DNAJC25: variants seen among roughly 807,000 people sequenced by gnomAD.
DNAJC25 encodes dnaJ homolog subfamily C member 25.
Under a neutral mutation model 42.1 loss-of-function variants are expected in DNAJC25, and 26 were observed. The ratio of observed to expected loss-of-function variants is 0.62; its 90% CI spans 0.45 to 0.86. DNAJC25 has a LOEUF of 0.86. Among genes scored for constraint, DNAJC25 ranks in the 40% least tolerant of loss-of-function variants. The probability of loss-of-function intolerance (pLI) is 0.00; values close to 1 mark genes in which losing one functional copy is unlikely to be tolerated. For missense variants in DNAJC25, 404 were observed against 459.4 expected, an observed-to-expected ratio of 0.88 and a Z score of 1.10; for synonymous variants, 189 against 179.9, an observed-to-expected ratio of 1.05 and a Z score of -0.40.
intron 1 of DNAJC25, among the ~76,000 whole-genome samples, chr9:111,632,025 T>A (rs1471083940): frequency 6.6e-6 from 1 of 152,266 alleles, no homozygotes; most frequent in African/African-American, 2.4e-5. Context: ...AATATTTTAA[T>A]AACGTGCATT....
chr9:111,639,437 A>G (rs1469394203), intron 1 of DNAJC25, among the ~76,000 whole-genome samples: 3 of 152,238 alleles, frequency 2.0e-5, no homozygotes, highest in Non-Finnish European at 4.4e-5. Flanking sequence ...AGGAGGCAAG[A>G]AAAACAGTTA....
intron 3 of DNAJC25, among the ~76,000 whole-genome samples, chr9:111,652,855 A>G (rs902439412): frequency 9.2e-5 from 14 of 152,126 alleles, no homozygotes; most frequent in African/African-American, 3.4e-4. Context: ...CCACAAAATT[A>G]CTAGTTCTTA....
intron 1 of DNAJC25, among the ~76,000 whole-genome samples, chr9:111,632,176 G>A (rs918104070): frequency 1.3e-5 from 2 of 152,196 alleles, no homozygotes; most frequent in African/African-American, 4.8e-5. Context: ...AGTGTTAATG[G>A]TGACGCTTAG....
intron 1 of DNAJC25, among the ~76,000 whole-genome samples, chr9:111,645,661 C>A (rs1429614110): frequency 6.6e-6 from 1 of 152,292 alleles, no homozygotes; most frequent in East Asian, 1.9e-4. Context: ...TTGGAGGACT[C>A]AGAAGGTGAT....
chr9:111,642,622 TAAATAAATAAA>T (rs1273551061), intron 1 of DNAJC25, among the ~76,000 whole-genome samples: 2 of 148,320 alleles, frequency 1.3e-5, no homozygotes, highest in Non-Finnish European at 3.0e-5. Flanking sequence ...AATAAATAAA[TAAATAAATAAA>T]TAAATAAATA....
intron 1 of DNAJC25, among the ~76,000 whole-genome samples, chr9:111,634,726 GTTTTT>G (rs75920536): frequency 6.8e-6 from 1 of 146,490 alleles, no homozygotes; most frequent in South Asian, 2.2e-4. Context: ...AGGGGGTTTT[GTTTTT>G]TTTTTTAGGT....
intron 3 of DNAJC25, among the ~76,000 whole-genome samples, chr9:111,651,959 T>C (rs1301641406): frequency 6.6e-6 from 1 of 152,020 alleles, no homozygotes; most frequent in East Asian, 1.9e-4. Context: ...AAATGAAAAA[T>C]TCATAATTAG....
intron 1 of DNAJC25, among the ~76,000 whole-genome samples, chr9:111,640,891 TCAGCCCCCCCGCC>T (rs1830446159): frequency 2.1e-5 from 1 of 48,420 alleles, no homozygotes; most frequent in Non-Finnish European, 3.3e-5. Flanking sequence ...AGGTGGGGGG[TCAGCCCCCCCGCC>T]CGGCCAGCCG....
chr9:111,638,074 T>C (rs1328809114), intron 1 of DNAJC25, among the ~76,000 whole-genome samples: 1 of 152,220 alleles, frequency 6.6e-6, no homozygotes, highest in Non-Finnish European at 1.5e-5. Context: ...GCCTCTCCTC[T>C]GTAGCACAGG....
intron 1 of DNAJC25, among the ~76,000 whole-genome samples, chr9:111,640,835 G>GA (rs1830444165): frequency 8.2e-6 from 1 of 121,978 alleles, no homozygotes. Flanking sequence ...GGAGGGAGGT[G>GA]GGGGGGGCCA....
Position 111,649,742 on chromosome 9 carries a change from T to C in DNAJC25, c.779T>C (p.Ile260Thr). 3 of 1,614,146 alleles carry C rather than the reference T, an allele frequency of 1.9e-6. No individual in the cohort carries two copies. The highest frequency in any genetic ancestry group is 2.2e-5 in the East Asian group (1 of 44,876). Residue 260 changes from isoleucine to threonine, a missense_variant, in exon 3 of 4, where the codon ATA (isoleucine) becomes ACA (threonine). Coordinates refer to ENST00000313525, the MANE Select transcript of DNAJC25 (RefSeq NM_001015882.3). ...GCTCCTTTTCACCTATGCTCATATATAGTTTGGTATTGTCGGTGGATCTAT... is the reference window on the plus strand; with the variant it reads ...GCTCCTTTTCACCTATGCTCATATACAGTTTGGTATTGTCGGTGGATCTAT... The part of the protein sequence containing the change: ...ILAPFHLCSY[I>T]VWYCRWIYNF...
At chr9:111,646,035 A>C (rs992613671) in intron 1 of DNAJC25, among the ~76,000 whole-genome samples, 8 of 152,214 alleles carry the variant, frequency 5.3e-5, no homozygotes, top group African/African-American at 1.9e-4. Flanking sequence ...GGCCTTCCAA[A>C]GTGTTGGGAT....
intron 1 of DNAJC25, among the ~76,000 whole-genome samples, chr9:111,641,534 GGTCGGACCCCGCCC>G: frequency 1.1e-5 from 1 of 90,746 alleles, no homozygotes; most frequent in Non-Finnish European, 2.1e-5. Flanking sequence ...GAGGTGGGGG[GGTCGGACCCCGCCC>G]GGCCAGCCGC....
rs1454567044 is a variant in DNAJC25, at chr9:111,653,128, TAAAG to T, written c.993_996del (p.Lys332SerfsTer15). 1 of 1,602,448 alleles carries T rather than the reference TAAAG, an allele frequency of 6.2e-7. No individual in the cohort carries two copies. The highest frequency in any genetic ancestry group is 2.3e-5 in the East Asian group (1 of 44,342). ...TACAAGCAAGAACAAGAGGAAGAAT[TAAAG>T]AAAAAGTTGGCAAATGACCCCAGAT... On this transcript the variant is annotated frameshift_variant, in exon 4 of 4. Coordinates refer to ENST00000313525, the MANE Select transcript of DNAJC25 (RefSeq NM_001015882.3). LOFTEE classifies it high-confidence loss of function.
chr9:111,645,932 A>G (rs1169731158), intron 1 of DNAJC25, among the ~76,000 whole-genome samples: 1 of 152,092 alleles, frequency 6.6e-6, no homozygotes, highest in Non-Finnish European at 1.5e-5. Flanking sequence ...GCCCTGTGCA[A>G]ATACAATTTT....
In DNAJC25 at chr9:111,636,991, G is replaced by T. The variant is rs116619767; in HGVS notation, c.336+5248G>T. On this transcript the variant is annotated intron_variant, in intron 1 of 3. Coordinates refer to ENST00000313525, the MANE Select transcript of DNAJC25 (RefSeq NM_001015882.3). ...GTGTTTGATCCTGGTGCCATGACTG[G>T]CTGACATGATGTAATCAACAACCAA... Among the ~76,000 whole-genome samples the T allele has an allele frequency of 2.3e-3, 357 of 152,226 alleles. 1 individual carries two copies. Among genetic ancestry groups the T allele is most frequent in the African/African-American group, 8.4e-3 (347 of 41,526 alleles).
intron 1 of DNAJC25, among the ~76,000 whole-genome samples, chr9:111,637,317 T>G (rs767870316): frequency 2.0e-5 from 3 of 152,168 alleles, no homozygotes; most frequent in African/African-American, 4.8e-5. Context: ...ACTTTATGTA[T>G]TGAATAGTTA....
At chr9:111,647,334 C>G in intron 2 of DNAJC25, 75 bp downstream of exon 2, 1 of 1,502,834 alleles carries the variant, frequency 6.7e-7, no homozygotes, top group South Asian at 1.3e-5. Context: ...TCATTAAAAC[C>G]TAACTGCGAG....
intron 3 of DNAJC25, among the ~76,000 whole-genome samples, chr9:111,651,462 T>C (rs1589349469): frequency 1.3e-5 from 2 of 152,122 alleles, no homozygotes; most frequent in Admixed American, 6.6e-5. Context: ...TTATATGTTA[T>C]TGTATGAAGT....
Sources: gnomAD v4.1 joint callset for allele counts (sites outside exome capture counted in the v4.1 genomes callset) on GRCh38, gnomAD v4.1.1 for gene constraint, MANE v1.5 for transcripts, NCBI Gene and HGNC (gene_info 2026-07-23, HGNC 2026-07-21) for gene names.